DLG2: variants seen among roughly 807,000 people sequenced by gnomAD.
DLG2 encodes the protein discs large MAGUK scaffold protein 2.
A neutral mutation model predicts 132.5 loss-of-function variants in DLG2; 45 were observed. That is an observed-to-expected ratio of 0.34 (90% CI 0.27 to 0.44). The LOEUF is 0.44. DLG2 is among the 20% of genes least tolerant of loss of function. DLG2 has a pLI of 1.00. For synonymous variants in DLG2, 424 were observed against 419.6 expected (o/e 1.01, Z -0.13); for missense variants, 1,045 against 1,196.9 (o/e 0.87, Z 1.87).
chr11:83,546,271 T>C (rs985101013), intron 19 of DLG2, among the ~76,000 whole-genome samples: 1 of 152,166 alleles, frequency 6.6e-6, no homozygotes, highest in Non-Finnish European at 1.5e-5. Context: ...ATTGTCTCAC[T>C]CAATTTATTG....
At chr11:84,513,854 T>C (rs1440440326) in intron 7 of DLG2, among the ~76,000 whole-genome samples, 2 of 151,122 alleles carry the variant, frequency 1.3e-5, no homozygotes, top group Non-Finnish European at 2.9e-5. Flanking sequence ...GAATCACATC[T>C]AGTTAAAAAG....
intron 7 of DLG2, among the ~76,000 whole-genome samples, chr11:84,355,253 G>T (rs964595695): frequency 6.6e-6 from 1 of 152,048 alleles, no homozygotes; most frequent in Non-Finnish European, 1.5e-5. Context: ...AGGGAGGAAA[G>T]AGATTATATG....
chr11:85,309,445 T>G (rs1393192241), intron 3 of DLG2, among the ~76,000 whole-genome samples: 1 of 130,164 alleles, frequency 7.7e-6, no homozygotes, highest in Non-Finnish European at 1.7e-5. Context: ...AAAAAAAAAA[T>G]TAGCATGAAG....
In DLG2 at chr11:85,204,701, G is replaced by A. The variant is rs913210307; in HGVS notation, c.187-50050C>T. 3.3e-5 allele frequency among the ~76,000 whole-genome samples: 5 copies of A among 151,872 alleles called. 1 individual carries two copies. The highest frequency in any genetic ancestry group is 2.6e-4 in the Admixed American group (4 of 15,234). On this transcript the variant is annotated intron_variant, in intron 4 of 27. Coordinates refer to ENST00000376104, the MANE Select transcript of DLG2 (RefSeq NM_001142699.3). ...AAAAAAAAACTCCTAAAATTTGTAT[G>A]GACACAAAGATCTTGAAAAGCCAAA...
chr11:83,799,422 C>T (rs1196420841), intron 17 of DLG2, among the ~76,000 whole-genome samples: 1 of 152,118 alleles, frequency 6.6e-6, no homozygotes, highest in Non-Finnish European at 1.5e-5. Flanking sequence ...GGAAGTATCC[C>T]AGTAGATAAT....
At chr11:84,694,130 G>A (rs969082365) in intron 6 of DLG2, among the ~76,000 whole-genome samples, 1 of 151,598 alleles carries the variant, frequency 6.6e-6, no homozygotes. Context: ...AAGTATTGGA[G>A]AAAGAAAGGA....
chr11:84,420,915 G>T (rs529985276), intron 7 of DLG2, among the ~76,000 whole-genome samples: 1 of 151,674 alleles, frequency 6.6e-6, no homozygotes. Flanking sequence ...TGATCTGCCC[G>T]CCTCGGCCTC....
intron 18 of DLG2, among the ~76,000 whole-genome samples, chr11:83,707,467 C>T (rs1287243361): frequency 6.6e-6 from 1 of 152,176 alleles, no homozygotes; most frequent in Non-Finnish European, 1.5e-5. Context: ...GTCAGGAGTT[C>T]AAGACCAGCC....
intron 7 of DLG2, among the ~76,000 whole-genome samples, chr11:84,487,370 T>C (rs1290984739): frequency 6.6e-5 from 10 of 152,098 alleles, no homozygotes; most frequent in Admixed American, 6.6e-4. Context: ...ACTATAAATA[T>C]TGTTTCATAA....
intron 7 of DLG2, among the ~76,000 whole-genome samples, chr11:84,356,816 C>T (rs1240458563): frequency 6.6e-6 from 1 of 151,636 alleles, no homozygotes; most frequent in East Asian, 1.9e-4. Flanking sequence ...GACAGAGGGA[C>T]CTGGAAAAGT....
At chr11:84,484,034 G>A (rs1034442525) in intron 7 of DLG2, among the ~76,000 whole-genome samples, 20 of 152,124 alleles carry the variant, frequency 1.3e-4, no homozygotes, top group African/African-American at 3.6e-4. Flanking sequence ...GGGACAGCAG[G>A]AGTCAGACCA....
At chr11:83,673,579 A>G (rs773931991) in intron 18 of DLG2, among the ~76,000 whole-genome samples, 6 of 152,190 alleles carry the variant, frequency 3.9e-5, no homozygotes, top group Non-Finnish European at 7.3e-5. Context: ...TTGTTCGATT[A>G]AGGGGCTGCC....
At chr11:84,176,723 T>A (rs1312688948) in intron 8 of DLG2, among the ~76,000 whole-genome samples, 1 of 152,064 alleles carries the variant, frequency 6.6e-6, no homozygotes, top group Non-Finnish European at 1.5e-5. Context: ...TCTCTAGAAG[T>A]CTCAGAGACA....
intron 7 of DLG2, among the ~76,000 whole-genome samples, chr11:84,257,185 T>C (rs1225194494): frequency 6.6e-6 from 1 of 152,156 alleles, no homozygotes; most frequent in Non-Finnish European, 1.5e-5. Context: ...TGTGGCATGG[T>C]TGGGGGAGTG....
intron 6 of DLG2, among the ~76,000 whole-genome samples, chr11:84,642,559 G>C (rs954502577): frequency 6.6e-6 from 1 of 152,124 alleles, no homozygotes; most frequent in African/African-American, 2.4e-5. Context: ...AACAATAAGA[G>C]TGCCTGCCTT....
chr11:83,921,621 C>T (rs1261827458), intron 15 of DLG2, among the ~76,000 whole-genome samples: 1 of 152,094 alleles, frequency 6.6e-6, no homozygotes, highest in African/African-American at 2.4e-5. Context: ...GATTCTGAGT[C>T]CTACAATTTG....
chr11:83,609,826 T>C (rs1252938860), intron 19 of DLG2, among the ~76,000 whole-genome samples: 1 of 152,244 alleles, frequency 6.6e-6, no homozygotes, highest in African/African-American at 2.4e-5. Flanking sequence ...TTCTTATTAA[T>C]TCAGAATTAT....
chr11:83,462,263 C>A (rs1045950716), intron 26 of DLG2, 170 bp from the exon 27 acceptor site: 4 of 560,814 alleles, frequency 7.1e-6, no homozygotes, highest in Non-Finnish European at 1.3e-5. Flanking sequence ...GCAACAAGGA[C>A]TCACGGCCAG....
At chr11:84,209,999 T>C (rs1396268262) in intron 8 of DLG2, among the ~76,000 whole-genome samples, 2 of 152,048 alleles carry the variant, frequency 1.3e-5, no homozygotes, top group African/African-American at 4.8e-5. Flanking sequence ...CCAAATAAAT[T>C]AGACTGGGTA....
Sources: gnomAD v4.1 joint callset for allele counts (sites outside exome capture counted in the v4.1 genomes callset) on GRCh38, gnomAD v4.1.1 for gene constraint, MANE v1.5 for transcripts, NCBI Gene and HGNC (gene_info 2026-07-23, HGNC 2026-07-21) for gene names.